The following FAM184A variants were observed in gnomAD, a reference collection of about 807,000 sequenced individuals.
FAM184A encodes the protein protein FAM184A.
A neutral mutation model predicts 143.8 loss-of-function variants in FAM184A; 99 were observed. That is an observed-to-expected ratio of 0.69 (90% CI 0.58 to 0.81). FAM184A has a LOEUF of 0.81. Among genes scored for constraint, FAM184A ranks in the 40% least tolerant of loss-of-function variants. FAM184A has a pLI of 0.00. For missense variants in FAM184A, 1,217 were observed against 1,310.5 expected (o/e 0.93, Z 1.10); for synonymous variants, 427 against 446.4 (o/e 0.96, Z 0.55).
chr6:118,991,234 C>T (rs1350354549), intron 9 of FAM184A, among the ~76,000 whole-genome samples: 7 of 151,214 alleles, frequency 4.6e-5, no homozygotes, highest in African/African-American at 9.7e-5. Context: ...ACGATCTCGG[C>T]GCACTGCAAC....
intron 14 of FAM184A, among the ~76,000 whole-genome samples, chr6:118,971,152 T>C (rs1397156909): frequency 6.6e-6 from 1 of 152,208 alleles, no homozygotes; most frequent in Non-Finnish European, 1.5e-5. Flanking sequence ...TCTTTTCCCA[T>C]AAATTACGCA....
At chr6:119,105,086 T>C (rs1438801176) in intron 1 of FAM184A, among the ~76,000 whole-genome samples, 1 of 152,184 alleles carries the variant, frequency 6.6e-6, no homozygotes, top group African/African-American at 2.4e-5. Flanking sequence ...TAATATGGTA[T>C]CCTATATGGG....
chr6:119,003,128 A>C, intron 8 of FAM184A, 79 bp from the exon 9 acceptor site: 1 of 1,287,250 alleles, frequency 7.8e-7, no homozygotes, highest in Non-Finnish European at 1.1e-6. Flanking sequence ...CAGGTTTTTT[A>C]AGCGCTTAAT....
chr6:119,130,100 A>G (rs1226312338), intron 1 of FAM184A, among the ~76,000 whole-genome samples: 1 of 152,136 alleles, frequency 6.6e-6, no homozygotes, highest in Non-Finnish European at 1.5e-5. Flanking sequence ...TTGGAGTATG[A>G]GTCATATATT....
In FAM184A at chr6:118,961,860, A is replaced by G. The variant is rs761452555; in HGVS notation, c.3242T>C (p.Leu1081Pro). Residue 1081 changes from leucine to proline, a missense_variant, in exon 17 of 18, where the codon CTG (leucine) becomes CCG (proline). Leu to Pro is a moderately conservative substitution (Grantham distance 98). Coordinates refer to ENST00000338891, the MANE Select transcript of FAM184A (RefSeq NM_024581.6). ...GACTGGAGAATTAGGAATGGGATCC[A>G]GGCGGTTAGGATGTCCATTGCCCAC... ...GGVGNGHPNR[L>P]DPIPNSPVHD... 4 of 1,613,810 alleles carry G rather than the reference A, an allele frequency of 2.5e-6. No homozygotes were observed. Among genetic ancestry groups the G allele is most frequent in the Non-Finnish European group, 3.4e-6 (4 of 1,179,884 alleles).
At chr6:119,073,614 A>T (rs2114793071) in intron 1 of FAM184A, among the ~76,000 whole-genome samples, 1 of 152,320 alleles carries the variant, frequency 6.6e-6, no homozygotes, top group East Asian at 1.9e-4. Flanking sequence ...GAGCTGTGGT[A>T]ACAGGGGCCT....
intron 1 of FAM184A, among the ~76,000 whole-genome samples, chr6:119,123,232 T>C (rs1789273583): frequency 2.6e-5 from 4 of 151,852 alleles, no homozygotes. Context: ...CTACTAAAAA[T>C]ATAAAAATTA....
intron 1 of FAM184A, among the ~76,000 whole-genome samples, chr6:119,134,290 G>A (rs1789606346): frequency 6.6e-6 from 1 of 152,088 alleles, no homozygotes; most frequent in Admixed American, 6.5e-5. Context: ...AACCTCATTG[G>A]TTATCAGGGA....
chr6:119,096,190 C>G (rs1186686056), intron 1 of FAM184A, among the ~76,000 whole-genome samples: 1 of 152,318 alleles, frequency 6.6e-6, no homozygotes, highest in East Asian at 1.9e-4. Flanking sequence ...GCCTCCTCCT[C>G]AGCTTGCTGT....
chr6:119,074,132 G>A (rs984416385), intron 1 of FAM184A, among the ~76,000 whole-genome samples: 7 of 152,136 alleles, frequency 4.6e-5, no homozygotes, highest in East Asian at 1.9e-4. Flanking sequence ...CATCTGCAAC[G>A]GCTACAAAAG....
At chr6:119,025,471 T>C in intron 1 of FAM184A, 1 of 519,070 alleles carries the variant, frequency 1.9e-6, no homozygotes, top group Non-Finnish European at 3.8e-6. Context: ...TTTTACTCTT[T>C]GGCTAATTTT....
intron 1 of FAM184A, among the ~76,000 whole-genome samples, chr6:119,050,774 C>T (rs1315880072): frequency 1.3e-5 from 2 of 150,758 alleles, no homozygotes; most frequent in African/African-American, 4.9e-5. Flanking sequence ...CACTGCAGTC[C>T]GCAGTCCGGC....
In FAM184A at chr6:119,006,538, C is replaced by T. The variant is rs984980737; in HGVS notation, c.1724G>A (p.Ser575Asn). ...AAGCCTTTCCTGGGAGTCCTGAAGA[C>T]TAGCAATAAGTCCTTCTGCAGAGCC... is the stretch of plus-strand genomic sequence containing the variant. ...GLGSAEGLIA[S>N]LQDSQERLQN... The change falls in exon 7 of 18, where the codon AGT becomes AAT. Residue 575 changes from serine to asparagine, a missense_variant. Transcript: ENST00000338891. 3 of 1,613,912 alleles carry T rather than the reference C, an allele frequency of 1.9e-6. No individual in the cohort carries two copies. In the African/African-American group the frequency reaches 4.0e-5, roughly 22 times the overall value.
chr6:119,063,350 C>G (rs753595126), intron 1 of FAM184A, among the ~76,000 whole-genome samples: 1 of 152,112 alleles, frequency 6.6e-6, no homozygotes, highest in Non-Finnish European at 1.5e-5. Flanking sequence ...CATTCTAAGA[C>G]GATATATTCC....
intron 9 of FAM184A, among the ~76,000 whole-genome samples, chr6:118,986,050 T>C (rs1159212204): frequency 2.0e-5 from 3 of 152,112 alleles, no homozygotes; most frequent in Non-Finnish European, 1.5e-5. Context: ...TCCCAGCACT[T>C]TGGGAGGCCG....
chr6:119,025,146 A>G (rs1229542165), intron 1 of FAM184A, among the ~76,000 whole-genome samples: 1 of 152,202 alleles, frequency 6.6e-6, no homozygotes, highest in Non-Finnish European at 1.5e-5. Flanking sequence ...AGGAGTTCTC[A>G]TATGTCCCAA....
Position 119,024,194 on chromosome 6 carries a change from T to G in FAM184A, c.779A>C (p.Glu260Ala). 1 of 1,614,232 alleles carries G rather than the reference T, an allele frequency of 6.2e-7. No homozygotes were observed. The highest frequency in any genetic ancestry group is 1.3e-5 in the African/African-American group (1 of 75,068). The change falls in exon 2 of 18, where the codon GAA (glutamate) becomes GCA (alanine). Residue 260 changes from glutamate (E) to alanine (A), a missense_variant. Physicochemically the swap from Glu to Ala is moderately radical, Grantham distance 107. Coordinates refer to ENST00000338891, the MANE Select transcript of FAM184A (RefSeq NM_024581.6). ...GKLNKAQSFYERELDTLKRSQ... is the reference protein window; with the variant it reads ...GKLNKAQSFYARELDTLKRSQ... ...CCTTTTCAAAGTATCAAGCTCACGT[T>G]CATAAAAGGACTGAGCTTTATTCAA...
chr6:118,981,642 G>A (rs905709518), intron 9 of FAM184A, among the ~76,000 whole-genome samples: 17 of 152,082 alleles, frequency 1.1e-4, no homozygotes, highest in Admixed American at 6.6e-5. Flanking sequence ...AGAAAAGGTC[G>A]AAAGCAAGCC....
intron 1 of FAM184A, among the ~76,000 whole-genome samples, chr6:119,129,988 C>T (rs1330436168): frequency 6.6e-6 from 1 of 152,154 alleles, no homozygotes; most frequent in African/African-American, 2.4e-5. Context: ...GGACACACTG[C>T]AAGTTCCTAG....
Sources: gnomAD v4.1 joint callset for allele counts (sites outside exome capture counted in the v4.1 genomes callset) on GRCh38, gnomAD v4.1.1 for gene constraint, MANE v1.5 for transcripts, NCBI Gene and HGNC (gene_info 2026-07-23, HGNC 2026-07-21) for gene names.